Variants in DCAF1 observed in about 807,000 individuals in gnomAD.
DCAF1 encodes DDB1- and CUL4-associated factor 1.
In DCAF1, 15 loss-of-function variants were observed where a neutral mutation model predicts 128.0. The observed-to-expected ratio is 0.12, with a 90% confidence interval of 0.08 to 0.18. The LOEUF (loss-of-function observed/expected upper bound fraction) is 0.18, where lower values mean the gene tolerates loss of function less well. DCAF1 is among the 10% of genes least tolerant of loss of function. The pLI is 1.00. For missense variants in DCAF1, 988 were observed against 1,649.5 expected, an observed-to-expected ratio of 0.60 and a Z score of 6.95; for synonymous variants, 610 against 603.0, an observed-to-expected ratio of 1.01 and a Z score of -0.17.
intron 2 of DCAF1, among the ~76,000 whole-genome samples, chr3:51,493,867 T>C (rs987974743): frequency 6.6e-6 from 1 of 151,430 alleles, no homozygotes; most frequent in East Asian, 2.0e-4. Context: ...CGTGGTGGCA[T>C]GCGCCTGTAG....
At chr3:51,466,687 ACT>A (rs1396595013) in intron 5 of DCAF1, 114 bp downstream of exon 5, 1 of 978,622 alleles carries the variant, frequency 1.0e-6, no homozygotes, top group African/African-American at 1.6e-5. Context: ...TTGGCAAAAA[ACT>A]CTACTCCCAA....
intron 2 of DCAF1, among the ~76,000 whole-genome samples, chr3:51,492,793 G>A (rs1213974615): frequency 1.3e-5 from 2 of 151,592 alleles, no homozygotes; most frequent in African/African-American, 2.4e-5. Flanking sequence ...AGGAGACAGA[G>A]ACCATCCTGG....
intron 23 of DCAF1, among the ~76,000 whole-genome samples, chr3:51,405,142 C>T (rs2106916251): frequency 6.6e-6 from 1 of 152,268 alleles, no homozygotes; most frequent in Admixed American, 6.5e-5. Flanking sequence ...TGTCTTAAGG[C>T]TTCGTGGACA....
At chr3:51,496,961 T>C (rs1461721942) in intron 1 of DCAF1, among the ~76,000 whole-genome samples, 181 bp from the exon 2 acceptor site, 1 of 152,080 alleles carries the variant, frequency 6.6e-6, no homozygotes, top group African/African-American at 2.4e-5. Flanking sequence ...AATATATATA[T>C]AGATACCACA....
chr3:51,497,867 G>A (rs1553662000), intron 1 of DCAF1, among the ~76,000 whole-genome samples: 2 of 151,686 alleles, frequency 1.3e-5, no homozygotes, highest in East Asian at 1.9e-4. Context: ...TGGCTAACAC[G>A]GTGAAACCCT....
chr3:51,405,710 A>G (rs1397080912), intron 23 of DCAF1, among the ~76,000 whole-genome samples: 3 of 152,208 alleles, frequency 2.0e-5, no homozygotes, highest in African/African-American at 4.8e-5. Flanking sequence ...ACTCATCCAA[A>G]ATGCTGTGGC....
intron 3 of DCAF1, among the ~76,000 whole-genome samples, chr3:51,482,282 A>C (rs1175660043): frequency 6.6e-6 from 1 of 150,730 alleles, no homozygotes; most frequent in Non-Finnish European, 1.5e-5. Flanking sequence ...CTCCCTCTAC[A>C]AAAAATTTAA....
chr3:51,441,100 A>C (rs2107683669), intron 8 of DCAF1, 29 bp from the exon 9 acceptor site: 2 of 1,580,942 alleles, frequency 1.3e-6, no homozygotes, highest in East Asian at 4.5e-5. Context: ...ACAAGTCTTA[A>C]ATTTTGGCTT....
At chr3:51,451,066 A>ACTCTTTTTTTT (rs1553641391) in intron 6 of DCAF1, among the ~76,000 whole-genome samples, 1 of 32,760 alleles carries the variant, frequency 3.1e-5, no homozygotes, top group African/African-American at 1.0e-4. Context: ...TAAAAAGGAA[A>ACTCTTTTTTTT]TTCTTTTTTT....
At chr3:51,400,948 C>A (rs553255652) in intron 24 of DCAF1, among the ~76,000 whole-genome samples, 2 of 151,838 alleles carry the variant, frequency 1.3e-5, no homozygotes, top group African/African-American at 4.8e-5. Context: ...CTGGCTAACA[C>A]GGTGAAACCC....
chr3:51,471,559 G>T (rs1265567850), intron 3 of DCAF1, among the ~76,000 whole-genome samples: 1 of 151,958 alleles, frequency 6.6e-6, no homozygotes, highest in Non-Finnish European at 1.5e-5. Context: ...AAAAATGTAG[G>T]ACTCATCTTT....
rs1487907195 is a variant in DCAF1, at chr3:51,398,190, AT to A, written c.*578del. The A allele has an allele frequency of 2.6e-5, 4 of 152,048 alleles. No individual in the cohort carries two copies. Among genetic ancestry groups the A allele is most frequent in the Non-Finnish European group, 5.9e-5 (4 of 68,016 alleles). The allele number at this position is 152,048 out of a possible 1,614,324, so 9.4% of individuals were successfully genotyped here. On this transcript the variant is annotated 3_prime_UTR_variant, in exon 25 of 25. Coordinates refer to ENST00000684031, the MANE Select transcript of DCAF1 (RefSeq NM_001387579.1). ...GCAACAAAACAGGTTAAAAAATCAT[AT>A]ATTATATTTATAATAAAATATTCTT...
At chr3:51,494,637 G>A (rs1397620207) in intron 2 of DCAF1, among the ~76,000 whole-genome samples, 2 of 151,142 alleles carry the variant, frequency 1.3e-5, no homozygotes, top group Non-Finnish European at 2.9e-5. Flanking sequence ...AGCACATAAA[G>A]ACATGATTTT....
rs781870031 is a variant in DCAF1 at position 51,420,689 on chromosome 3, C to T, written c.2281G>A (p.Ala761Thr). Residue 761 changes from alanine to threonine, a missense_variant, in exon 15 of 25, where the codon GCC (alanine) becomes ACC (threonine). By Grantham distance (58) the Ala-to-Thr change is moderately conservative. Coordinates refer to ENST00000684031, the MANE Select transcript of DCAF1 (RefSeq NM_001387579.1). This position sits in a 1 kb window ranked among gnomAD's most constrained non-coding sequence, Gnocchi z 6.5. ...CTACTGCGAGACAGGCCCACTAGGG[C>T]TTTGCAGGCCAGGGCCCGGATTTGG... ...ADQIRALACK[A>T]LVGLSRSSTV... is the part of the protein sequence containing the mutation. 1.1e-5 allele frequency: 17 copies of T among 1,613,932 alleles called. No homozygotes were observed. The Admixed American group carries it at 2.7e-4, about 25-fold the overall frequency.
chr3:51,488,036 T>C (rs996712637), intron 2 of DCAF1, among the ~76,000 whole-genome samples: 36 of 151,950 alleles, frequency 2.4e-4, no homozygotes, highest in Non-Finnish European at 7.4e-5. Context: ...GGCTAATTTT[T>C]GTACTTTTAG....
intron 6 of DCAF1, among the ~76,000 whole-genome samples, chr3:51,450,480 C>G (rs1464494830): frequency 1.3e-5 from 2 of 152,080 alleles, no homozygotes; most frequent in African/African-American, 4.8e-5. Context: ...ACCACTGCAA[C>G]TGATACCAAA....
At position 51,403,240 on chromosome 3, in the gene DCAF1, G is replaced by A. The variant is rs1006816543; in HGVS notation, c.4368C>T (p.Pro1456=). 3 of 1,613,790 alleles carry A rather than the reference G, an allele frequency of 1.9e-6. No individual in the cohort carries two copies. The East Asian group carries it at 6.7e-5, about 36-fold the overall frequency. Residue 1456 remains proline, a synonymous_variant, in exon 24 of 25, where the codon CCC becomes CCT. Coordinates refer to ENST00000684031, the MANE Select transcript of DCAF1 (RefSeq NM_001387579.1). ...GAAGGTTTGCTAGCTCCTCATCAGA[G>A]GGAGAGAAGTCATTGTCCCCATCTT... is the stretch of plus-strand genomic sequence containing the variant. The part of the protein sequence containing the change: ...AGEDGDNDFS[P]SDEELANLLE...
chr3:51,449,773 G>A (rs138546021), intron 6 of DCAF1, among the ~76,000 whole-genome samples: 44 of 152,112 alleles, frequency 2.9e-4, no homozygotes, highest in Admixed American at 2.8e-3. Flanking sequence ...GAATAAAAGA[G>A]AGGACTCACA....
intron 5 of DCAF1, among the ~76,000 whole-genome samples, chr3:51,464,254 A>T (rs907525153): frequency 3.1e-5 from 1 of 31,872 alleles, no homozygotes; most frequent in Non-Finnish European, 5.6e-5. Flanking sequence ...TTTTATAATA[A>T]ATTATATATA....
Sources: gnomAD v4.1 joint callset for allele counts (sites outside exome capture counted in the v4.1 genomes callset) on GRCh38, gnomAD v4.1.1 for gene constraint, Gnocchi (gnomAD v3.1) non-coding constraint, MANE v1.5 for transcripts, NCBI Gene and HGNC (gene_info 2026-07-23, HGNC 2026-07-21) for gene names.